The following RAD51B variants were observed in gnomAD, a reference collection of about 807,000 sequenced individuals.
RAD51B encodes the protein DNA repair protein RAD51 homolog 2.
In RAD51B, 38 loss-of-function variants were observed where a neutral mutation model predicts 42.2. The observed-to-expected ratio is 0.90, with a 90% CI of 0.70 to 1.18. The LOEUF (loss-of-function observed/expected upper bound fraction) is 1.18, where lower values mean the gene tolerates loss of function less well. RAD51B is among the 50% of genes most tolerant of loss of function. The pLI, the probability that RAD51B is intolerant of heterozygous loss-of-function variation, is 0.00. For synonymous variants in RAD51B, 154 were observed against 145.2 expected (o/e 1.06, Z -0.43); for missense variants, 373 against 400.7 (o/e 0.93, Z 0.59).
At chr14:68,490,125 C>T (rs571571974) in intron 10 of RAD51B, among the ~76,000 whole-genome samples, 1 of 152,142 alleles carries the variant, frequency 6.6e-6, no homozygotes, top group East Asian at 1.9e-4. Context: ...GGAGAAGGGA[C>T]TTCTGTGCAG....
At chr14:67,989,735 A>G (rs992538150) in intron 7 of RAD51B, among the ~76,000 whole-genome samples, 20 of 152,026 alleles carry the variant, frequency 1.3e-4, no homozygotes, top group Admixed American at 2.0e-4. Context: ...ACAGGCCACA[A>G]CTGTAGAGAG....
intron 10 of RAD51B, chr14:68,627,056 T>C (rs1371554471): frequency 6.6e-6 from 1 of 152,226 alleles, no homozygotes; most frequent in Non-Finnish European, 1.5e-5. Flanking sequence ...TCTTTGACTA[T>C]GTCCTAGGCC....
intron 10 of RAD51B, among the ~76,000 whole-genome samples, chr14:68,576,693 C>G (rs1184940126): frequency 6.6e-6 from 1 of 152,078 alleles, no homozygotes. Context: ...TCAGTGGTAC[C>G]CTTCTGACCT....
chr14:67,990,554 A>G (rs2075277806), intron 7 of RAD51B, among the ~76,000 whole-genome samples: 1 of 152,232 alleles, frequency 6.6e-6, no homozygotes, highest in African/African-American at 2.4e-5. Flanking sequence ...AGAACTAAAC[A>G]GTGGTGCTTT....
intron 7 of RAD51B, among the ~76,000 whole-genome samples, chr14:68,176,160 C>A (rs1365692623): frequency 6.6e-6 from 1 of 152,112 alleles, no homozygotes; most frequent in East Asian, 1.9e-4. Flanking sequence ...CTTAAATATC[C>A]CTAGGAGATG....
At chr14:67,870,746 A>C (rs1265388647) in intron 5 of RAD51B, among the ~76,000 whole-genome samples, 1 of 113,682 alleles carries the variant, frequency 8.8e-6, no homozygotes, top group African/African-American at 4.0e-5. Flanking sequence ...CTCTCAGACC[A>C]CAGTGCAATC....
At chr14:68,482,951 G>T (rs1883316562), downstream of RAD51B, among the ~76,000 whole-genome samples, 1 of 152,168 alleles carries the variant, frequency 6.6e-6, no homozygotes, top group African/African-American at 2.4e-5. Context: ...CTCCAGACAA[G>T]CTCTCCATGT....
chr14:68,097,818 C>T (rs2077220608), intron 7 of RAD51B, among the ~76,000 whole-genome samples: 1 of 152,186 alleles, frequency 6.6e-6, no homozygotes, highest in African/African-American at 2.4e-5. Flanking sequence ...TACAAACACA[C>T]ATCATTCCAG....
At chr14:68,661,424 G>A (rs1450050390) in intron 11 of RAD51B, among the ~76,000 whole-genome samples, 3 of 152,164 alleles carry the variant, frequency 2.0e-5, no homozygotes, top group Non-Finnish European at 2.9e-5. Flanking sequence ...GATGCCAAAT[G>A]TGACTTGTTT....
chr14:68,555,086 T>G (rs949048526), intron 10 of RAD51B, among the ~76,000 whole-genome samples: 1 of 152,126 alleles, frequency 6.6e-6, no homozygotes, highest in Non-Finnish European at 1.5e-5. Context: ...GACCTCGTGA[T>G]CCGCCCGCCT....
Position 67,865,140 on chromosome 14 carries a change from G to C in RAD51B, c.452+1G>C, listed in dbSNP as rs1246973294. 3 of 1,587,180 alleles carry C rather than the reference G, an allele frequency of 1.9e-6. No homozygotes were observed. The highest frequency in any genetic ancestry group is 1.2e-5 in the South Asian group (1 of 86,522). ...CAGAGTCTGCATTTAGTGCTGAAAG[G>C]TATGAGATTTTATTTTCTATTATAA... On this transcript the variant is annotated splice_donor_variant, in intron 5 of 10. Coordinates refer to ENST00000471583, the MANE Select transcript of RAD51B (RefSeq NM_133510.4). LOFTEE classifies it high-confidence loss of function.
intron 8 of RAD51B, among the ~76,000 whole-genome samples, chr14:68,344,163 C>T (rs917095641): frequency 3.9e-5 from 6 of 152,306 alleles, no homozygotes; most frequent in East Asian, 1.9e-4. Context: ...CCACCCGCCA[C>T]GTCCCAGAAT....
At chr14:68,555,637 G>C (rs1322034428) in intron 10 of RAD51B, among the ~76,000 whole-genome samples, 1 of 152,166 alleles carries the variant, frequency 6.6e-6, no homozygotes, top group Non-Finnish European at 1.5e-5. Flanking sequence ...GGTTGCAAAG[G>C]ATCCCTTCTC....
At chr14:67,976,383 G>A (rs2074994757) in intron 7 of RAD51B, among the ~76,000 whole-genome samples, 1 of 151,936 alleles carries the variant, frequency 6.6e-6, no homozygotes, top group Admixed American at 6.6e-5. Context: ...CTCCCAGCAT[G>A]CTGGAATTAC....
chr14:68,545,241 C>T (rs1236641017), intron 10 of RAD51B, among the ~76,000 whole-genome samples: 1 of 152,242 alleles, frequency 6.6e-6, no homozygotes, highest in Admixed American at 6.5e-5. Flanking sequence ...GACACGGGGA[C>T]AAAGTTGGGC....
chr14:68,113,486 A>G (rs1166547441), intron 7 of RAD51B, among the ~76,000 whole-genome samples: 1 of 152,140 alleles, frequency 6.6e-6, no homozygotes, highest in Non-Finnish European at 1.5e-5. Flanking sequence ...GCAAATAAGG[A>G]AAGGTTCCCT....
chr14:67,895,712 T>G (rs2043390539), intron 7 of RAD51B, among the ~76,000 whole-genome samples: 1 of 152,202 alleles, frequency 6.6e-6, no homozygotes, highest in African/African-American at 2.4e-5. Context: ...AGTCTTAGTT[T>G]AGGATATGAT....
intron 3 of RAD51B, among the ~76,000 whole-genome samples, chr14:67,834,236 C>T (rs2041154850): frequency 6.6e-6 from 1 of 152,162 alleles, no homozygotes; most frequent in Admixed American, 6.5e-5. Context: ...CCCTCTGCCT[C>T]TCTTATTAGT....
intron 7 of RAD51B, among the ~76,000 whole-genome samples, chr14:67,973,760 G>C (rs775321300): frequency 3.3e-5 from 5 of 152,028 alleles, no homozygotes; most frequent in African/African-American, 9.7e-5. Flanking sequence ...TATATTTTAA[G>C]TGGCAAAGTT....
Sources: gnomAD v4.1 joint callset for allele counts (sites outside exome capture counted in the v4.1 genomes callset) on GRCh38, gnomAD v4.1.1 for gene constraint, MANE v1.5 for transcripts, NCBI Gene and HGNC (gene_info 2026-07-23, HGNC 2026-07-21) for gene names.